NUBPL: variants seen among roughly 807,000 people sequenced by gnomAD.
NUBPL encodes iron-sulfur cluster transfer protein NUBPL.
In NUBPL, 31 loss-of-function variants were observed where a neutral mutation model predicts 45.7. That is an observed-to-expected ratio of 0.68 (90% CI 0.51 to 0.92). The LOEUF (loss-of-function observed/expected upper bound fraction) is 0.92. Among genes scored for constraint, NUBPL ranks in the 40% least tolerant of loss-of-function variants. The pLI is 0.00. For missense variants in NUBPL, 401 were observed against 398.7 expected (o/e 1.01, Z -0.05); for synonymous variants, 144 against 140.9 (o/e 1.02, Z -0.15).
intron 6 of NUBPL, among the ~76,000 whole-genome samples, chr14:31,680,676 C>T (rs1487341138): frequency 6.6e-6 from 1 of 152,062 alleles, no homozygotes; most frequent in East Asian, 1.9e-4. Context: ...AAGTCTCTTA[C>T]ATAAAGTGGT....
intron 6 of NUBPL, among the ~76,000 whole-genome samples, chr14:31,759,662 A>G (rs556174360): frequency 2.0e-5 from 3 of 151,748 alleles, no homozygotes; most frequent in African/African-American, 4.8e-5. Context: ...TGTGAAAGCA[A>G]TGTTCATCTA....
intron 6 of NUBPL, among the ~76,000 whole-genome samples, chr14:31,689,641 T>C (rs1359099289): frequency 6.6e-5 from 10 of 152,248 alleles, no homozygotes; most frequent in Non-Finnish European, 1.5e-4. Flanking sequence ...TAGTTTCTTT[T>C]GCTGTGCAGA....
intron 4 of NUBPL, among the ~76,000 whole-genome samples, chr14:31,669,809 GTT>G (rs35705230): frequency 3.9e-4 from 20 of 51,558 alleles, no homozygotes; most frequent in Middle Eastern, 0.025. Context: ...TTTTTTTTTT[GTT>G]TTTTTTTTTT....
intron 3 of NUBPL, among the ~76,000 whole-genome samples, chr14:31,577,226 G>T (rs1012198958): frequency 4.6e-5 from 7 of 152,166 alleles, no homozygotes; most frequent in Non-Finnish European, 7.4e-5. Flanking sequence ...TATTTGAGAA[G>T]TATCTCTTTC....
chr14:31,791,082 A>G (rs2039373405), intron 7 of NUBPL, among the ~76,000 whole-genome samples: 2 of 151,364 alleles, frequency 1.3e-5, no homozygotes. Flanking sequence ...CATCCTGGGC[A>G]ATATAGTGAG....
At chr14:31,641,510 C>T (rs2035698410) in intron 4 of NUBPL, among the ~76,000 whole-genome samples, 1 of 152,086 alleles carries the variant, frequency 6.6e-6, no homozygotes, top group African/African-American at 2.4e-5. Context: ...GACAGGATTC[C>T]ATTCTTTTTT....
intron 6 of NUBPL, among the ~76,000 whole-genome samples, chr14:31,729,511 A>G (rs1237288359): frequency 6.6e-6 from 1 of 152,124 alleles, no homozygotes; most frequent in African/African-American, 2.4e-5. Context: ...TGAATGTACA[A>G]ATTTTTAATG....
In NUBPL at chr14:31,665,441, T is replaced by C. The variant is rs569684895; in HGVS notation, c.383-7914T>C. On this transcript the variant is annotated intron_variant, in intron 4 of 10. Coordinates refer to ENST00000281081, the MANE Select transcript of NUBPL (RefSeq NM_025152.3). ...CATTGTATCTTTGAACTCATTGGTT[T>C]CAAAGAACTGATTTATTTCTGTCTT... is the stretch of plus-strand genomic sequence containing the variant. Among the ~76,000 whole-genome samples the C allele has an allele frequency of 2.6e-5, 4 of 152,346 alleles. No individual in the cohort carries two copies. In the South Asian group the frequency reaches 6.2e-4, roughly 24 times the overall value.
In NUBPL at chr14:31,732,912, C is replaced by A. The variant is rs183987763; in HGVS notation, c.514-54868C>A. ...ACAGGTGTGCATCACCGCGCCCGGCCTATTCTTTTATGGTTAGTACTTTTT... is the reference window on the plus strand; with the variant it reads ...ACAGGTGTGCATCACCGCGCCCGGCATATTCTTTTATGGTTAGTACTTTTT... On this transcript the variant is annotated intron_variant, in intron 6 of 10. Transcript: ENST00000281081. Among the ~76,000 whole-genome samples, 464 of 152,104 alleles carry A rather than the reference C, an allele frequency of 3.1e-3. 4 individuals are homozygous for A. Among genetic ancestry groups the A allele is most frequent in the African/African-American group, 0.01 (435 of 41,454 alleles).
intron 3 of NUBPL, among the ~76,000 whole-genome samples, chr14:31,588,836 T>C (rs2034065950): frequency 6.6e-6 from 1 of 151,208 alleles, no homozygotes; most frequent in Non-Finnish European, 1.5e-5. Flanking sequence ...GAAGAATTGC[T>C]TGAACCCAGG....
intron 3 of NUBPL, among the ~76,000 whole-genome samples, chr14:31,584,006 G>A (rs985618727): frequency 1.3e-5 from 2 of 152,132 alleles, no homozygotes; most frequent in African/African-American, 2.4e-5. Context: ...ATTCACAAAT[G>A]TGTTGTGTTT....
intron 6 of NUBPL, among the ~76,000 whole-genome samples, chr14:31,688,729 AG>A (rs2037024772): frequency 7.1e-6 from 1 of 140,530 alleles, no homozygotes; most frequent in Non-Finnish European, 1.5e-5. Context: ...AACTCATTTC[AG>A]GGGGGTTTGT....
At chr14:31,742,277 C>CACACACACACACAT (rs998724714) in intron 6 of NUBPL, among the ~76,000 whole-genome samples, 25 of 149,262 alleles carry the variant, frequency 1.7e-4, no homozygotes, top group African/African-American at 6.2e-4. Flanking sequence ...CACACACACA[C>CACACACACACACAT]ACATCTTCCT....
chr14:31,599,578 A>G (rs2034372722), intron 4 of NUBPL, among the ~76,000 whole-genome samples, 199 bp downstream of exon 4: 1 of 152,248 alleles, frequency 6.6e-6, no homozygotes, highest in African/African-American at 2.4e-5. Flanking sequence ...TTAAGTTCCT[A>G]TGGCATATTT....
intron 4 of NUBPL, among the ~76,000 whole-genome samples, chr14:31,605,010 C>G (rs565021780): frequency 6.6e-6 from 1 of 152,312 alleles, no homozygotes; most frequent in African/African-American, 2.4e-5. Flanking sequence ...TGAGCAGTTA[C>G]TTTGGGAAGC....
chr14:31,666,944 T>C (rs2036446392), intron 4 of NUBPL, among the ~76,000 whole-genome samples: 1 of 152,214 alleles, frequency 6.6e-6, no homozygotes, highest in Non-Finnish European at 1.5e-5. Context: ...TGGGCTTCCC[T>C]TTGTAGGTAA....
chr14:31,763,454 T>C (rs993015068), intron 6 of NUBPL, among the ~76,000 whole-genome samples: 11 of 152,194 alleles, frequency 7.2e-5, no homozygotes, highest in African/African-American at 2.7e-4. Flanking sequence ...GTTTTATCAA[T>C]GTAGGTCTTT....
chr14:31,659,721 T>TGAGCTAATA (rs1387040419), intron 4 of NUBPL, among the ~76,000 whole-genome samples: 19 of 152,134 alleles, frequency 1.2e-4, no homozygotes, highest in Admixed American at 2.0e-4. Flanking sequence ...TATATTCTAG[T>TGAGCTAATA]GAGCTAATAG....
chr14:31,708,912 C>CT (rs985844843), intron 6 of NUBPL, among the ~76,000 whole-genome samples: 37 of 152,150 alleles, frequency 2.4e-4, no homozygotes, highest in African/African-American at 8.2e-4. Context: ...ATTGGACAAT[C>CT]TTTTTTAAAG....
Sources: allele counts gnomAD v4.1 joint callset (sites outside exome capture counted in the v4.1 genomes callset), GRCh38; gene constraint gnomAD v4.1.1; transcripts MANE v1.5; gene names NCBI Gene and HGNC (gene_info 2026-07-23, HGNC 2026-07-21).